Variants in OVGP1 observed in about 807,000 individuals in gnomAD.
OVGP1 encodes the protein oviduct-specific glycoprotein.
In OVGP1, 26 loss-of-function variants were observed where a neutral mutation model predicts 48.2. That is an observed-to-expected ratio of 0.54 (90% CI 0.40 to 0.75). The LOEUF is 0.75. Among genes scored for constraint, OVGP1 ranks in the 30% least tolerant of loss-of-function variants. The pLI is 0.00. For missense variants in OVGP1, 791 were observed against 820.6 expected (o/e 0.96, Z 0.44); for synonymous variants, 294 against 305.7 (o/e 0.96, Z 0.40).
intron 9 of OVGP1, among the ~76,000 whole-genome samples, chr1:111,418,561 T>A (rs1652187899): frequency 6.6e-6 from 1 of 152,216 alleles, no homozygotes; most frequent in Admixed American, 6.5e-5. Flanking sequence ...CATTTCTGCA[T>A]CACCGTTAAC....
chr1:111,422,793 G>T, intron 6 of OVGP1, 134 bp downstream of exon 6: 1 of 986,982 alleles, frequency 1.0e-6, no homozygotes, highest in Non-Finnish European at 1.6e-6. Flanking sequence ...CCTCAGTCCA[G>T]CCCCAAACTT....
chr1:111,419,732 A>G lies in OVGP1; in HGVS notation c.904-6T>C, dbSNP rs750450149. 10 of 1,568,042 alleles carry G rather than the reference A, an allele frequency of 6.4e-6. No individual in the cohort carries two copies. The Admixed American group carries it at 1.3e-4, about 21-fold the overall frequency. ...CCCCAGACAAAGGAACAAATCTGCC[A>G]AGAGGACCACCAGGTTAGTTCTGGG... On this transcript the variant is annotated splice_polypyrimidine_tract_variant and splice_region_variant and intron_variant, in intron 8 of 10. Transcript: ENST00000369732.
chr1:111,416,438 C>T lies in OVGP1; in HGVS notation c.1041G>A (p.Glu347=). ...TCCACACCATGGCCCCCCCAAAATG[C>T]TCTCGCCTTATAAACCATGCCTGTA... is the stretch of plus-strand genomic sequence containing the variant. ...FSYKAWFIRR[E]HFGGAMVWTL... The change falls in exon 10 of 11, where the codon GAG becomes GAA. Residue 347 remains glutamate (E), a synonymous_variant. Coordinates refer to ENST00000369732, the MANE Select transcript of OVGP1 (RefSeq NM_002557.4). 3 of 1,605,624 alleles carry T rather than the reference C, an allele frequency of 1.9e-6. No homozygotes were observed. Among genetic ancestry groups the T allele is most frequent in the Non-Finnish European group, 2.6e-6 (3 of 1,175,944 alleles).
rs41282510 is a variant in OVGP1, at chr1:111,425,493, C to G, written c.261-54G>C. On this transcript the variant is annotated intron_variant, in intron 3 of 10. Coordinates refer to ENST00000369732, the MANE Select transcript of OVGP1 (RefSeq NM_002557.4). ...CTGGGTTCTTCACTCCGGTGGGCAG[C>G]TGCTGCCACATTCTTTTATTTTGCT... is the stretch of plus-strand genomic sequence containing the variant. 8.3e-3 allele frequency: 13,440 copies of G among 1,611,728 alleles called. 760 individuals carry two copies. In the African/African-American group the frequency reaches 0.14, roughly 16 times the overall value.
At chr1:111,420,222 G>A (rs1055427247) in intron 8 of OVGP1, among the ~76,000 whole-genome samples, 8 of 152,200 alleles carry the variant, frequency 5.3e-5, no homozygotes, top group Non-Finnish European at 1.2e-4. Flanking sequence ...GCATTTGAGT[G>A]TCCACTGAGT....
intron 4 of OVGP1, among the ~76,000 whole-genome samples, chr1:111,424,119 G>C (rs2101728186): frequency 6.6e-6 from 1 of 152,276 alleles, no homozygotes; most frequent in East Asian, 1.9e-4. Flanking sequence ...ACCTGTCCTA[G>C]CACTGACATT....
chr1:111,425,301 A>C (rs1652370586), intron 4 of OVGP1, 82 bp downstream of exon 4: 2 of 1,547,112 alleles, frequency 1.3e-6, no homozygotes, highest in East Asian at 4.6e-5. Context: ...CCGCATGGCC[A>C]AGCTGCCTTC....
intron 1 of OVGP1, 168 bp from the exon 2 acceptor site, chr1:111,427,259 A>C (rs1445079773): frequency 1.0e-6 from 1 of 985,332 alleles, no homozygotes; most frequent in Non-Finnish European, 1.2e-6. Context: ...CTAGTTTCTA[A>C]AGTTGGACCA....
intron 4 of OVGP1, among the ~76,000 whole-genome samples, chr1:111,424,878 G>A (rs554887386): frequency 6.6e-6 from 1 of 152,224 alleles, no homozygotes; most frequent in African/African-American, 2.4e-5. Flanking sequence ...TAATCTCCAC[G>A]TTGTCTCATG....
chr1:111,422,327 T>C (rs1652292073), intron 6 of OVGP1, among the ~76,000 whole-genome samples: 1 of 152,226 alleles, frequency 6.6e-6, no homozygotes, highest in South Asian at 2.1e-4. Context: ...AGCACACTCA[T>C]ACACAGGAAC....
intron 1 of OVGP1, chr1:111,427,299 T>C (rs140657618): frequency 1.0e-6 from 1 of 985,432 alleles, no homozygotes; most frequent in Non-Finnish European, 1.2e-6. Context: ...CCTTTTCTTT[T>C]TGATAAACAT....
chr1:111,427,531 C>T, intron 1 of OVGP1, 166 bp downstream of exon 1: 1 of 508,366 alleles, frequency 2.0e-6, no homozygotes. Context: ...CCACTTCTCC[C>T]TGGGTCCCTC....
intron 10 of OVGP1, 137 bp downstream of exon 10, chr1:111,416,186 A>G (rs769473036): frequency 1.4e-4 from 129 of 899,488 alleles, no homozygotes; most frequent in Non-Finnish European, 1.8e-4. Flanking sequence ...ACTGGAAAAC[A>G]TATTGGCCTG....
At position 111,426,660 on chromosome 1, in the gene OVGP1, C is replaced by T. The variant is rs1431053551; in HGVS notation, c.56-19G>A. The T allele has an allele frequency of 4.3e-6, 7 of 1,610,152 alleles. No homozygotes were observed. In the East Asian group the frequency reaches 6.7e-5, roughly 15 times the overall value. ...GCAGCACCTGGTAAGGGAGAGCACA[C>T]ATTAGTTGGCAAAAACCAAGGGAGG... On this transcript the variant is annotated intron_variant, in intron 2 of 10. Coordinates refer to ENST00000369732, the MANE Select transcript of OVGP1 (RefSeq NM_002557.4).
chr1:111,419,896 A>G (rs1446714795), intron 8 of OVGP1, among the ~76,000 whole-genome samples, 170 bp from the exon 9 acceptor site: 1 of 152,226 alleles, frequency 6.6e-6, no homozygotes, highest in Non-Finnish European at 1.5e-5. Context: ...GTTCCTCTCT[A>G]TTTTGAATAA....
At chr1:111,415,593 T>A (rs1652115326) in intron 10 of OVGP1, among the ~76,000 whole-genome samples, 1 of 152,188 alleles carries the variant, frequency 6.6e-6, no homozygotes, top group East Asian at 1.9e-4. Flanking sequence ...ACATTTTCCA[T>A]GAATGACCTC....
rs199754746 is a variant in OVGP1 at position 111,415,112 on chromosome 1, G to A, written c.1389C>T (p.His463=). The A allele has an allele frequency of 1.7e-5, 28 of 1,614,176 alleles. No homozygotes were observed. The Admixed American group carries it at 4.5e-4, about 26-fold the overall frequency. ...CAGTCTTCTCTCCTAGAGCTACAGT[G>A]TGCTTTCCAAGGGATACAGTTTCCT... is the stretch of plus-strand genomic sequence containing the variant. ...PTKETVSLGK[H]TVALGEKTEI... The change falls in exon 11 of 11, where the codon CAC becomes CAT. Residue 463 remains histidine, a synonymous_variant. Coordinates refer to ENST00000369732, the MANE Select transcript of OVGP1 (RefSeq NM_002557.4).
chr1:111,424,217 A>G (rs995126331), intron 4 of OVGP1, among the ~76,000 whole-genome samples: 3 of 152,234 alleles, frequency 2.0e-5, no homozygotes, highest in African/African-American at 7.2e-5. Context: ...CCTGGGCTGT[A>G]TAACTTGGCA....
chr1:111,421,555 C>A lies in OVGP1; in HGVS notation c.717+10G>T. 1 of 1,610,984 alleles carries A rather than the reference C, an allele frequency of 6.2e-7. No individual in the cohort carries two copies. Among genetic ancestry groups the A allele is most frequent in the Non-Finnish European group, 8.5e-7 (1 of 1,177,154 alleles). On this transcript the variant is annotated intron_variant, in intron 7 of 10. Coordinates refer to ENST00000369732, the MANE Select transcript of OVGP1 (RefSeq NM_002557.4). ...ATGTCTGGACCACCTGAGATCTTTC[C>A]TTTCCTTACCGAAGATTTGGGGTCT...
Sources: allele counts gnomAD v4.1 joint callset (sites outside exome capture counted in the v4.1 genomes callset), GRCh38; gene constraint gnomAD v4.1.1; transcripts MANE v1.5; gene names NCBI Gene and HGNC (gene_info 2026-07-23, HGNC 2026-07-21).